WDFY3: variants seen among roughly 807,000 people sequenced by gnomAD.
WDFY3 encodes the protein WD repeat and FYVE domain-containing protein 3.
A neutral mutation model predicts 409.6 loss-of-function variants in WDFY3; 66 were observed. The observed-to-expected ratio is 0.16, with a 90% CI of 0.13 to 0.20. The LOEUF is 0.20. WDFY3 is among the 10% of genes least tolerant of loss of function. WDFY3 has a pLI of 1.00. For missense variants in WDFY3, 3,031 were observed against 4,298.1 expected, an observed-to-expected ratio of 0.71 and a Z score of 8.24; for synonymous variants, 1,521 against 1,537.1, an observed-to-expected ratio of 0.99 and a Z score of 0.25.
chr4:84,856,129 T>A (rs139336317), intron 4 of WDFY3, among the ~76,000 whole-genome samples: 89 of 152,360 alleles, frequency 5.8e-4, no homozygotes, highest in East Asian at 5.4e-3. Context: ...GTCTGCCTTC[T>A]GATCTCTCTC....
intron 1 of WDFY3, among the ~76,000 whole-genome samples, chr4:84,940,530 C>G (rs1034377991): frequency 6.6e-6 from 1 of 152,094 alleles, no homozygotes; most frequent in African/African-American, 2.4e-5. Context: ...TTACCTCTCA[C>G]TACCCCTTCT....
chr4:84,703,645 G>T (rs968576035), intron 55 of WDFY3, among the ~76,000 whole-genome samples: 2 of 152,088 alleles, frequency 1.3e-5, no homozygotes, highest in African/African-American at 2.4e-5. Context: ...CCTGGAACAC[G>T]TATCTCCAGA....
intron 13 of WDFY3, among the ~76,000 whole-genome samples, chr4:84,813,443 A>G (rs1752813168): frequency 6.6e-6 from 1 of 152,080 alleles, no homozygotes; most frequent in Non-Finnish European, 1.5e-5. Context: ...GTTTCTAATT[A>G]TTTTCTGAAT....
Position 84,855,908 on chromosome 4 carries a change from C to A in WDFY3, c.180+4504G>T, listed in dbSNP as rs1223790039. Among the ~76,000 whole-genome samples the A allele has an allele frequency of 2.0e-5, 3 of 152,324 alleles. No homozygotes were observed. The East Asian group carries it at 5.8e-4, about 29-fold the overall frequency. On this transcript the variant is annotated intron_variant, in intron 4 of 67. Transcript: ENST00000295888. ...CTCAGTCCCGTCCTCTCCTTCCGGG[C>A]TTTGCCTGCCTCATGAGAATATGCA...
rs1736964943 is a variant in WDFY3 at position 84,733,608 on chromosome 4, C to T, written c.6995G>A (p.Arg2332His). Reference sequence around the variant, plus strand: ...CACGTACTTCAGGGCATTCTGCTGACGCTGACAGGAAAGAGTCCAGGTCGG... The same window carrying T: ...CACGTACTTCAGGGCATTCTGCTGATGCTGACAGGAAAGAGTCCAGGTCGG... ...VDTQYKEYQE[R>H]QQNALKYVTE... Residue 2332 changes from arginine to histidine, a missense_variant and splice_region_variant, in exon 44 of 68, where the codon CGT becomes CAT. By Grantham distance (29) the Arg-to-His change is conservative. Transcript: ENST00000295888. 1.2e-6 allele frequency: 2 copies of T among 1,607,602 alleles called. No individual in the cohort carries two copies. Among genetic ancestry groups the T allele is most frequent in the African/African-American group, 1.3e-5 (1 of 74,530 alleles).
intron 2 of WDFY3, among the ~76,000 whole-genome samples, chr4:84,922,055 T>C (rs1579138274): frequency 6.6e-6 from 1 of 151,998 alleles, no homozygotes; most frequent in Non-Finnish European, 1.5e-5. Context: ...CATATATGTA[T>C]AATATACATA....
intron 2 of WDFY3, among the ~76,000 whole-genome samples, chr4:84,930,009 G>T (rs781104659): frequency 6.6e-6 from 1 of 151,962 alleles, no homozygotes; most frequent in Admixed American, 6.6e-5. Context: ...AAGAAAACAG[G>T]ACTGGAACAA....
intron 4 of WDFY3, among the ~76,000 whole-genome samples, chr4:84,856,922 C>T (rs2150167472): frequency 6.6e-6 from 1 of 152,028 alleles, no homozygotes; most frequent in African/African-American, 2.4e-5. Context: ...CACAAACGGC[C>T]AAATGTTAAA....
At position 84,956,076 on chromosome 4, in the gene WDFY3, C is replaced by T. The variant is rs78387107; in HGVS notation, c.-226+10133G>A. On this transcript the variant is annotated intron_variant, in intron 1 of 67. Coordinates refer to ENST00000295888, the MANE Select transcript of WDFY3 (RefSeq NM_014991.6). Reference sequence around the variant, plus strand: ...GTATCAAATTCCTACTTTCCTCAGGCTAATATTAAATAAGTTGGCCTCCTT... The same window carrying T: ...GTATCAAATTCCTACTTTCCTCAGGTTAATATTAAATAAGTTGGCCTCCTT... Among the ~76,000 whole-genome samples, 7 of 152,254 alleles carry T rather than the reference C, an allele frequency of 4.6e-5. No homozygotes were observed. The East Asian group carries it at 1.4e-3, about 29-fold the overall frequency.
At chr4:84,728,509 C>T (rs1736035322) in intron 44 of WDFY3, among the ~76,000 whole-genome samples, 1 of 152,068 alleles carries the variant, frequency 6.6e-6, no homozygotes. Flanking sequence ...GCCTGGGCAA[C>T]AGAGCGATAA....
At chr4:84,723,100 C>T (rs1478466163) in intron 46 of WDFY3, among the ~76,000 whole-genome samples, 1 of 152,218 alleles carries the variant, frequency 6.6e-6, no homozygotes, top group East Asian at 1.9e-4. Flanking sequence ...CTATCAAACT[C>T]TGTGAATTAT....
At chr4:84,751,435 T>C in intron 36 of WDFY3, 48 bp downstream of exon 36, 1 of 1,584,264 alleles carries the variant, frequency 6.3e-7, no homozygotes, top group Non-Finnish European at 8.7e-7. Flanking sequence ...AATGTTCTAA[T>C]TTAAAAAGTA....
At chr4:84,693,408 CTCTA>C (rs1177204919) in intron 58 of WDFY3, among the ~76,000 whole-genome samples, 2 of 152,138 alleles carry the variant, frequency 1.3e-5, no homozygotes, top group Non-Finnish European at 2.9e-5. Context: ...CAGGCAGACA[CTCTA>C]TCTAGTTGGA....
In WDFY3 at chr4:84,918,577, T is replaced by C. The variant is rs193038023; in HGVS notation, c.-132+13693A>G. Among the ~76,000 whole-genome samples, 3 of 152,214 alleles carry C rather than the reference T, an allele frequency of 2.0e-5. 1 individual carries two copies. The East Asian group carries it at 5.8e-4, about 29-fold the overall frequency. ...TATCTAGCAGGGTAGCATGTTGTTT[T>C]TGTTTTTAGTGATATACGTGAAACA... On this transcript the variant is annotated intron_variant, in intron 2 of 67. Transcript: ENST00000295888.
intron 48 of WDFY3, 79 bp downstream of exon 48, chr4:84,718,343 A>T: frequency 6.8e-7 from 1 of 1,476,120 alleles, no homozygotes. Flanking sequence ...CAATTTTTTG[A>T]TTAAAAAAGA....
rs547804430 is a variant in WDFY3, at chr4:84,814,323, G to A, written c.1887+3069C>T. Among the ~76,000 whole-genome samples the A allele has an allele frequency of 2.6e-5, 4 of 152,228 alleles. No individual in the cohort carries two copies. The South Asian group carries it at 8.3e-4, about 32-fold the overall frequency. On this transcript the variant is annotated intron_variant, in intron 13 of 67. Transcript: ENST00000295888. ...CTTCCCACAAGTTGATATCCCTAGA[G>A]TCCGTTTCCTTTATGTCATCATTTC...
At chr4:84,708,849 C>T (rs969019392) in intron 53 of WDFY3, 60 bp downstream of exon 53, 13 of 1,581,896 alleles carry the variant, frequency 8.2e-6, no homozygotes, top group South Asian at 2.3e-5. Flanking sequence ...CTTCAATTGT[C>T]GTATTTTAAA....
At chr4:84,964,106 A>G (rs1775295579) in intron 1 of WDFY3, among the ~76,000 whole-genome samples, 1 of 152,230 alleles carries the variant, frequency 6.6e-6, no homozygotes, top group Non-Finnish European at 1.5e-5. Context: ...CTAGGAAAAA[A>G]GCAAATATAT....
At chr4:84,717,985 T>C (rs1407593569) in intron 48 of WDFY3, among the ~76,000 whole-genome samples, 5 of 144,230 alleles carry the variant, frequency 3.5e-5, no homozygotes, top group Non-Finnish European at 7.4e-5. Context: ...GAGGCGGAGC[T>C]TGCAGTGAGC....
Sources: allele counts gnomAD v4.1 joint callset (sites outside exome capture counted in the v4.1 genomes callset), GRCh38; gene constraint gnomAD v4.1.1; transcripts MANE v1.5; gene names NCBI Gene and HGNC (gene_info 2026-07-23, HGNC 2026-07-21).